The following GEMIN5 variants were observed in gnomAD, a reference collection of about 807,000 sequenced individuals.
GEMIN5 encodes gem-associated protein 5.
Under a neutral mutation model 176.9 loss-of-function variants are expected in GEMIN5, and 124 were observed. The ratio of observed to expected loss-of-function variants is 0.70; its 90% confidence interval spans 0.61 to 0.81. GEMIN5 has a LOEUF of 0.81. GEMIN5 is among the 40% of genes least tolerant of loss of function. The pLI, the probability that GEMIN5 is intolerant of heterozygous loss-of-function variation, is 0.00. For missense variants in GEMIN5, 1,843 were observed against 1,814.6 expected (o/e 1.02, Z -0.28); for synonymous variants, 673 against 665.2 (o/e 1.01, Z -0.18).
In GEMIN5 at chr5:154,892,414, C is replaced by T; in HGVS notation, c.3733G>A (p.Glu1245Lys). Residue 1245 changes from glutamate to lysine, a missense_variant, in exon 25 of 28, where the codon GAA becomes AAA. Transcript: ENST00000285873. ...TCAGGGAGAAAGGCTGAGTACACTT[C>T]CTGCATGATGGTGAAGCTCCCTGAG... ...YDSGSFTIMQ[E>K]VYSAFLPDGC... is the part of the protein sequence containing the mutation. 6.2e-7 allele frequency: 1 copy of T among 1,614,136 alleles called. No homozygotes were observed. Among genetic ancestry groups the T allele is most frequent in the Non-Finnish European group, 8.5e-7 (1 of 1,180,010 alleles).
rs747814397 is a variant in GEMIN5 at position 154,931,515 on chromosome 5, A to C, written c.724T>G (p.Leu242Val). Reference protein sequence around the residue: ...AQAPVTKGCYLATGSKDQTIR... With the variant: ...AQAPVTKGCYVATGSKDQTIR... ...GTTTGATCTTTGCTTCCAGTGGCTA[A>C]GTAGCAACCTTTTGTTACTGGAGCT... Residue 242 changes from leucine (L) to valine (V), a missense_variant, in exon 5 of 28, where the codon TTA becomes GTA. Transcript: ENST00000285873. 1 of 1,613,026 alleles carries C rather than the reference A, an allele frequency of 6.2e-7. No individual in the cohort carries two copies. The highest frequency in any genetic ancestry group is 1.1e-5 in the South Asian group (1 of 91,038).
At chr5:154,921,482 A>G in intron 9 of GEMIN5, 57 bp from the exon 10 acceptor site, 1 of 761,432 alleles carries the variant, frequency 1.3e-6, no homozygotes, top group Admixed American at 2.6e-5. Flanking sequence ...GGCATAATGA[A>G]AAACAGACCA....
chr5:154,937,268 G>A (rs1764289343), intron 1 of GEMIN5, 83 bp from the exon 2 acceptor site: 1 of 1,141,876 alleles, frequency 8.8e-7, no homozygotes. Context: ...GATGACAAGT[G>A]AGCAGATGCT....
chr5:154,925,214 C>A (rs574496986), intron 8 of GEMIN5, among the ~76,000 whole-genome samples: 47 of 152,174 alleles, frequency 3.1e-4, no homozygotes, highest in African/African-American at 1.1e-3. Context: ...AAATACAGTT[C>A]TATTAATATT....
At chr5:154,914,866 G>A (rs750284407) in intron 13 of GEMIN5, among the ~76,000 whole-genome samples, 2 of 152,036 alleles carry the variant, frequency 1.3e-5, no homozygotes, top group Non-Finnish European at 1.5e-5. Flanking sequence ...ATACATACAC[G>A]CACACAGAAT....
At chr5:154,916,952 G>A in intron 13 of GEMIN5, 46 bp downstream of exon 13, 1 of 1,033,734 alleles carries the variant, frequency 9.7e-7, no homozygotes, top group Non-Finnish European at 1.4e-6. Context: ...ATGGAAAGTA[G>A]CTGAACAAAC....
At chr5:154,928,252 G>A (rs1488296481) in intron 6 of GEMIN5, among the ~76,000 whole-genome samples, 1 of 152,174 alleles carries the variant, frequency 6.6e-6, no homozygotes, top group Non-Finnish European at 1.5e-5. Flanking sequence ...GAAAAGTAAA[G>A]GGTCTTGCTC....
chr5:154,938,198 G>A lies in GEMIN5; in HGVS notation c.-65C>T. Reference sequence around the variant, plus strand: ...GACCGCTCGTAGCCTCACGCCTTAGGTAGGGAGCGGGGCGGGGTGAACTCC... The same window carrying A: ...GACCGCTCGTAGCCTCACGCCTTAGATAGGGAGCGGGGCGGGGTGAACTCC... On this transcript the variant is annotated 5_prime_UTR_variant, in exon 1 of 28. Coordinates refer to ENST00000285873, the MANE Select transcript of GEMIN5 (RefSeq NM_015465.5). 4.8e-6 allele frequency: 6 copies of A among 1,250,728 alleles called. No homozygotes were observed. Among genetic ancestry groups the A allele is most frequent in the South Asian group, 2.6e-5 (1 of 39,178 alleles). 77.5% of individuals were successfully genotyped at this position (1,250,728 alleles called of 1,614,324 possible). A position where few individuals can be genotyped will look rare whatever the true frequency, so the allele number is the denominator to read the frequency against.
rs747759345 is a variant in GEMIN5 at position 154,938,144 on chromosome 5, C to G, written c.-11G>C. The G allele has an allele frequency of 7.3e-7, 1 of 1,366,512 alleles. No homozygotes were observed. The highest frequency in any genetic ancestry group is 9.5e-7 in the Non-Finnish European group (1 of 1,053,240). 84.6% of individuals were successfully genotyped at this position (1,366,512 alleles called of 1,614,324 possible). A position where few individuals can be genotyped will look rare whatever the true frequency, so the allele number is the denominator to read the frequency against. On this transcript the variant is annotated 5_prime_UTR_variant, in exon 1 of 28. Coordinates refer to ENST00000285873, the MANE Select transcript of GEMIN5 (RefSeq NM_015465.5). The stretch of plus-strand genomic sequence containing the variant: ...CGGCTCCTGCCCCATAACTACAAGC[C>G]GTCAGAGACAAGAGAAGCTGCCACA...
At chr5:154,905,553 A>C in intron 16 of GEMIN5, 77 bp from the exon 17 acceptor site, 1 of 685,728 alleles carries the variant, frequency 1.5e-6, no homozygotes, top group Non-Finnish European at 2.5e-6. Context: ...GTAAAAATTA[A>C]GAGCCATTCC....
Position 154,937,139 on chromosome 5 carries a change from T to C in GEMIN5, c.213A>G (p.Thr71=), listed in dbSNP as rs759323623. 4 of 1,613,468 alleles carry C rather than the reference T, an allele frequency of 2.5e-6. No homozygotes were observed. Among genetic ancestry groups the C allele is most frequent in the Admixed American group, 3.3e-5 (2 of 59,938 alleles). Residue 71 remains threonine (T), a synonymous_variant, in exon 2 of 28, where the codon ACA becomes ACG. Coordinates refer to ENST00000285873, the MANE Select transcript of GEMIN5 (RefSeq NM_015465.5). ...VGHTERVSGF[T]FSHHPGQYNL... is the part of the protein sequence containing the mutation. ...TGTACTGACCAGGGTGATGAGAAAA[T>C]GTGAAGCCAGAGACCCTTTCGGTGT...
chr5:154,936,258 CAT>C (rs955424309), intron 2 of GEMIN5, among the ~76,000 whole-genome samples: 13 of 151,850 alleles, frequency 8.6e-5, no homozygotes, highest in African/African-American at 2.9e-4. Flanking sequence ...CTGCTAAAAA[CAT>C]AAAAAAATTA....
intron 9 of GEMIN5, among the ~76,000 whole-genome samples, chr5:154,922,713 T>C (rs1763948476): frequency 6.6e-6 from 1 of 151,682 alleles, no homozygotes; most frequent in South Asian, 2.1e-4. Flanking sequence ...TTTTTTTTTT[T>C]TGAGATGGAG....
intron 22 of GEMIN5, 55 bp downstream of exon 22, chr5:154,899,136 C>A: frequency 6.5e-7 from 1 of 1,541,090 alleles, no homozygotes; most frequent in Non-Finnish European, 8.8e-7. Flanking sequence ...TTGTCCTCCC[C>A]TTCCTGGCAG....
At chr5:154,936,330 T>C (rs1044952011) in intron 2 of GEMIN5, among the ~76,000 whole-genome samples, 1 of 150,894 alleles carries the variant, frequency 6.6e-6, no homozygotes, top group Non-Finnish European at 1.5e-5. Flanking sequence ...GGCAGGAGAA[T>C]GGCGTCAACC....
At chr5:154,936,888 A>G in intron 2 of GEMIN5, 137 bp downstream of exon 2, 2 of 689,098 alleles carry the variant, frequency 2.9e-6, no homozygotes, top group South Asian at 2.4e-5. Context: ...GACATCTTAC[A>G]ATATAGTTTC....
intron 5 of GEMIN5, 60 bp downstream of exon 5, chr5:154,931,398 A>C: frequency 6.6e-7 from 1 of 1,522,632 alleles, no homozygotes; most frequent in Non-Finnish European, 8.9e-7. Flanking sequence ...TAAGAACAGA[A>C]AACCCTCTAC....
chr5:154,921,454 T>C (rs781095635), intron 9 of GEMIN5, 29 bp from the exon 10 acceptor site: 2 of 1,023,820 alleles, frequency 2.0e-6, no homozygotes, highest in African/African-American at 1.6e-5. Flanking sequence ...AGAGAACAAA[T>C]GGAGATTTAA....
At position 154,891,267 on chromosome 5, in the gene GEMIN5, C is replaced by T. The variant is rs1282339512; in HGVS notation, c.4236G>A (p.Gln1412=). 2 of 1,613,676 alleles carry T rather than the reference C, an allele frequency of 1.2e-6. No individual in the cohort carries two copies. The highest frequency in any genetic ancestry group is 1.7e-6 in the Non-Finnish European group (2 of 1,179,806). ...DKNEPEVEAE[Q]PLCSSQSQCK... The stretch of plus-strand genomic sequence containing the variant: ...ACTGGCTCTGAGAACTGCAGAGGGG[C>T]TGCTCTGCTTCTACTTCCGGTTCAT... The change falls in exon 26 of 28, where the codon CAG becomes CAA. Residue 1412 remains glutamine (Q), a synonymous_variant. Transcript: ENST00000285873.
Sources: allele counts gnomAD v4.1 joint callset (sites outside exome capture counted in the v4.1 genomes callset), GRCh38; gene constraint gnomAD v4.1.1; transcripts MANE v1.5; gene names NCBI Gene and HGNC (gene_info 2026-07-23, HGNC 2026-07-21).